HDAC1: variants seen among roughly 807,000 people sequenced by gnomAD.
HDAC1 encodes histone deacetylase 1.
In HDAC1, 18 loss-of-function variants were observed where a neutral mutation model predicts 65.5. The ratio of observed to expected loss-of-function variants is 0.27; its 90% CI spans 0.19 to 0.41. The LOEUF is 0.41. HDAC1 is among the 10% of genes least tolerant of loss of function. The pLI is 1.00. For synonymous variants in HDAC1, 211 were observed against 227.9 expected, an observed-to-expected ratio of 0.93 and a Z score of 0.67; for missense variants, 373 against 625.2, an observed-to-expected ratio of 0.60 and a Z score of 4.30.
At chr1:32,328,950 C>T in intron 6 of HDAC1, 118 bp from the exon 7 acceptor site, 1 of 743,512 alleles carries the variant, frequency 1.3e-6, no homozygotes, top group East Asian at 2.4e-5. Context: ...CTGTCCTGGC[C>T]CACATCATGG....
chr1:32,311,916 A>C (rs1640997217), intron 2 of HDAC1, among the ~76,000 whole-genome samples: 1 of 152,158 alleles, frequency 6.6e-6, no homozygotes, highest in African/African-American at 2.4e-5. Context: ...GCCAGACCAA[A>C]GTTTTGATGA....
intron 2 of HDAC1, among the ~76,000 whole-genome samples, chr1:32,306,854 C>T (rs1336167163): frequency 6.6e-6 from 1 of 152,098 alleles, no homozygotes; most frequent in Non-Finnish European, 1.5e-5. Flanking sequence ...ATACATACCT[C>T]TGATAAAGCT....
At position 32,330,236 on chromosome 1, in the gene HDAC1, G is replaced by A. The variant is rs1009486763; in HGVS notation, c.730-342G>A. On this transcript the variant is annotated intron_variant, in intron 7 of 13. Transcript: ENST00000373548. The surrounding 1 kb of genome is among the most constrained non-coding windows in gnomAD (Gnocchi z 4.2). The stretch of plus-strand genomic sequence containing the variant: ...TGTAAGGCTTCAAGTCTGTAAGACC[G>A]AATGAGTAGAGTAGATGCAGCTAAA... 9 of 272,702 alleles carry A rather than the reference G, an allele frequency of 3.3e-5. No individual in the cohort carries two copies. The highest frequency in any genetic ancestry group is 1.1e-4 in the African/African-American group (5 of 45,626). 16.9% of individuals were successfully genotyped at this position (272,702 alleles called of 1,614,324 possible).
chr1:32,307,157 A>G (rs1640921998), intron 2 of HDAC1, among the ~76,000 whole-genome samples: 1 of 152,184 alleles, frequency 6.6e-6, no homozygotes, highest in South Asian at 2.1e-4. Context: ...AGACAGGAGA[A>G]TCATTTGAAC....
chr1:32,305,009 T>C (rs1462610315), intron 2 of HDAC1, among the ~76,000 whole-genome samples: 2 of 152,210 alleles, frequency 1.3e-5, no homozygotes, highest in Non-Finnish European at 2.9e-5. Flanking sequence ...ACCATGCCTG[T>C]ATTCTTTTTT....
chr1:32,327,827 C>G lies in HDAC1; in HGVS notation c.636+150C>G. ...CTGAAGCACTTGCCCTGATCTCTTT[C>G]CCTTCCTTATTCTGGAGGAAGGGAA... On this transcript the variant is annotated intron_variant, in intron 6 of 13. Coordinates refer to ENST00000373548, the MANE Select transcript of HDAC1 (RefSeq NM_004964.3). This position sits in a 1 kb window ranked among gnomAD's most constrained non-coding sequence, Gnocchi z 6.0. The G allele has an allele frequency of 1.4e-6, 1 of 705,966 alleles. No individual in the cohort carries two copies. The highest frequency in any genetic ancestry group is 2.1e-5 in the Admixed American group (1 of 48,594). 43.7% of individuals were successfully genotyped at this position (705,966 alleles called of 1,614,324 possible).
At chr1:32,326,062 A>G (rs1399567998) in intron 4 of HDAC1, among the ~76,000 whole-genome samples, 1 of 152,130 alleles carries the variant, frequency 6.6e-6, no homozygotes, top group Non-Finnish European at 1.5e-5. Flanking sequence ...CCACAAATGC[A>G]CTTGCACACA....
At chr1:32,332,620 A>G in intron 12 of HDAC1, 81 bp from the exon 13 acceptor site, 3 of 976,216 alleles carry the variant, frequency 3.1e-6, no homozygotes, top group Non-Finnish European at 4.8e-6. Context: ...GTGTTGGGGA[A>G]GGGGTCTCAG....
chr1:32,292,715 G>C (rs1034589700), intron 1 of HDAC1, among the ~76,000 whole-genome samples: 1 of 152,052 alleles, frequency 6.6e-6, no homozygotes, highest in African/African-American at 2.4e-5. Flanking sequence ...GGGTTGCAAG[G>C]AGAAGGATGC....
intron 3 of HDAC1, among the ~76,000 whole-genome samples, chr1:32,323,531 G>A (rs980154552): frequency 1.3e-5 from 2 of 151,982 alleles, no homozygotes; most frequent in Admixed American, 6.6e-5. Context: ...CCAAGTAGCC[G>A]GGATTACAGG....
intron 4 of HDAC1, among the ~76,000 whole-genome samples, chr1:32,326,033 C>A (rs899305053): frequency 2.0e-5 from 3 of 151,886 alleles, no homozygotes; most frequent in Non-Finnish European, 2.9e-5. Flanking sequence ...TCTCAAAAAA[C>A]AACAACAAAT....
At position 32,316,728 on chromosome 1, in the gene HDAC1, T is replaced by C. The variant is rs1200337420; in HGVS notation, c.226T>C (p.Leu76=). 6.2e-7 allele frequency: 1 copy of C among 1,613,926 alleles called. No individual in the cohort carries two copies. ...CCACAGCGATGACTACATTAAATTCTTGCGCTCCATCCGTCCAGATAACAT... is the reference window on the plus strand; with the variant it reads ...CCACAGCGATGACTACATTAAATTCCTGCGCTCCATCCGTCCAGATAACAT... ...KYHSDDYIKF[L]RSIRPDNMSE... Residue 76 remains leucine, a synonymous_variant, in exon 3 of 14, where the codon TTG becomes CTG. Coordinates refer to ENST00000373548, the MANE Select transcript of HDAC1 (RefSeq NM_004964.3).
chr1:32,332,775 T>A (rs1387013932), intron 13 of HDAC1, 26 bp downstream of exon 13: 3 of 1,540,672 alleles, frequency 1.9e-6, no homozygotes, highest in Non-Finnish European at 2.6e-6. Context: ...CCTGTGGCCA[T>A]CTCCCTGGCA....
At chr1:32,314,482 T>G (rs1460683358) in intron 2 of HDAC1, among the ~76,000 whole-genome samples, 1 of 151,974 alleles carries the variant, frequency 6.6e-6, no homozygotes, top group African/African-American at 2.4e-5. Flanking sequence ...CATGAGCCAC[T>G]GCACCCAGCC....
In HDAC1 at chr1:32,332,724, A is replaced by G. The variant is rs1242086018; in HGVS notation, c.1396A>G (p.Lys466Glu). Residue 466 changes from lysine to glutamate, a missense_variant, in exon 13 of 14, where the codon AAG becomes GAG. Coordinates refer to ENST00000373548, the MANE Select transcript of HDAC1 (RefSeq NM_004964.3). ...AGAAGTCACCGAAGAGGAGAAAACC[A>G]AGGAGGAGAAGCCAGAAGCCAAAGG... The part of the protein sequence containing the change: ...KKEVTEEEKT[K>E]EEKPEAKGVK... 5.8e-6 allele frequency: 9 copies of G among 1,555,398 alleles called. No homozygotes were observed. Among genetic ancestry groups the G allele is most frequent in the South Asian group, 2.4e-5 (2 of 84,262 alleles).
In HDAC1 at chr1:32,330,528, C is replaced by A; in HGVS notation, c.730-50C>A. On this transcript the variant is annotated intron_variant, in intron 7 of 13. Coordinates refer to ENST00000373548, the MANE Select transcript of HDAC1 (RefSeq NM_004964.3). This position sits in a 1 kb window ranked among gnomAD's most constrained non-coding sequence, Gnocchi z 4.2. ...TTGCACCCAGCCTTTCCACTCCAAA[C>A]CTCGTATTGCTTTCTTGAGGTTGGT... The A allele has an allele frequency of 7.6e-7, 1 of 1,319,242 alleles. No homozygotes were observed. The highest frequency in any genetic ancestry group is 1.2e-5 in the South Asian group (1 of 84,944). The allele number at this position is 1,319,242 out of a possible 1,614,324, so 81.7% of individuals were successfully genotyped here.
chr1:32,331,849 C>G lies in HDAC1; in HGVS notation c.1219+43C>G. ...AGCCCTATGCCTTCCATTCAATAGG[C>G]AGCTCACACTTCCACCACCATTCCT... On this transcript the variant is annotated intron_variant, in intron 11 of 13. Transcript: ENST00000373548. This position sits in a 1 kb window ranked among gnomAD's most constrained non-coding sequence, Gnocchi z 4.2. The G allele has an allele frequency of 1.3e-6, 2 of 1,560,726 alleles. No individual in the cohort carries two copies.
intron 2 of HDAC1, among the ~76,000 whole-genome samples, chr1:32,309,010 C>T (rs769519047): frequency 1.1e-4 from 17 of 152,096 alleles, no homozygotes; most frequent in Non-Finnish European, 1.8e-4. Flanking sequence ...TGGGGTTTCA[C>T]CTTGTTGCCC....
intron 13 of HDAC1, 29 bp downstream of exon 13, chr1:32,332,778 C>A (rs1302902360): frequency 6.5e-7 from 1 of 1,540,536 alleles, no homozygotes. Flanking sequence ...GTGGCCATCT[C>A]CCTGGCATTG....
Sources: allele counts gnomAD v4.1 joint callset (sites outside exome capture counted in the v4.1 genomes callset), GRCh38; gene constraint gnomAD v4.1.1; non-coding constraint Gnocchi (gnomAD v3.1); transcripts MANE v1.5; gene names NCBI Gene and HGNC (gene_info 2026-07-23, HGNC 2026-07-21).